The following STPG2 variants were observed in gnomAD, a reference collection of about 807,000 sequenced individuals.
The protein encoded by STPG2 is sperm-tail PG-rich repeat-containing protein 2.
In STPG2, 56 loss-of-function variants were observed where a neutral mutation model predicts 54.2. The observed-to-expected ratio is 1.03, with a 90% CI of 0.83 to 1.29. STPG2 has a LOEUF of 1.29. STPG2 is among the 50% of genes most tolerant of loss of function. The probability of loss-of-function intolerance (pLI) is 0.00; values close to 1 mark genes in which losing one functional copy is unlikely to be tolerated. For synonymous variants in STPG2, 200 were observed against 181.8 expected (o/e 1.10, Z -0.81); for missense variants, 596 against 544.9 (o/e 1.09, Z -0.93).
chr4:97,888,283 C>T (rs1730653104), intron 8 of STPG2, among the ~76,000 whole-genome samples: 1 of 152,144 alleles, frequency 6.6e-6, no homozygotes, highest in African/African-American at 2.4e-5. Context: ...CAGCTTGTAC[C>T]CTCAGCCTGG....
chr4:97,670,374 G>T (rs1268924400), intron 10 of STPG2, among the ~76,000 whole-genome samples: 5 of 152,160 alleles, frequency 3.3e-5, no homozygotes, highest in African/African-American at 9.6e-5. Context: ...TATTAAAATG[G>T]AATCAATAGT....
At chr4:97,611,945 AGAGT>A in intron 10 of STPG2, among the ~76,000 whole-genome samples, 1 of 152,082 alleles carries the variant, frequency 6.6e-6, no homozygotes. Flanking sequence ...ACAGAGAGAA[AGAGT>A]GAATCTCTGA....
chr4:97,989,774 C>A (rs1457331208), intron 5 of STPG2, among the ~76,000 whole-genome samples: 1 of 152,212 alleles, frequency 6.6e-6, no homozygotes, highest in Non-Finnish European at 1.5e-5. Flanking sequence ...AACAGTCAAT[C>A]TGATAACCAA....
chr4:98,109,246 TC>T lies in STPG2; in HGVS notation c.446del (p.Arg149AsnfsTer17), dbSNP rs1739276553. On this transcript the variant is annotated frameshift_variant, in exon 4 of 11. Transcript: ENST00000295268. LOFTEE classifies it high-confidence loss of function. ...KGIHFGNSSGRQELPKKSGPG... is the reference protein window; with the variant it reads ...KGIHFGNSSGXQELPKKSGPG... ...GACCTGACTTTTTAGGTAACTCTTG[TC>T]TTCCTGAAGAGTTGCCAAAATGTAT... 1 of 1,611,620 alleles carries T rather than the reference TC, an allele frequency of 6.2e-7. No individual in the cohort carries two copies. Among genetic ancestry groups the T allele is most frequent in the Admixed American group, 1.7e-5 (1 of 59,882 alleles).
chr4:97,863,945 T>C (rs551214225), intron 8 of STPG2, among the ~76,000 whole-genome samples: 1 of 152,078 alleles, frequency 6.6e-6, no homozygotes, highest in South Asian at 2.1e-4. Context: ...ATGGGATGTA[T>C]CTAAAAATAA....
At chr4:97,681,947 G>A (rs990336102) in intron 10 of STPG2, among the ~76,000 whole-genome samples, 1 of 151,598 alleles carries the variant, frequency 6.6e-6, no homozygotes, top group African/African-American at 2.4e-5. Flanking sequence ...AATCATTGAG[G>A]AAGAAACATT....
intron 8 of STPG2, among the ~76,000 whole-genome samples, chr4:97,931,033 T>A (rs1478776914): frequency 6.6e-6 from 1 of 152,232 alleles, no homozygotes; most frequent in Non-Finnish European, 1.5e-5. Context: ...AGATTGATGT[T>A]ATATCCTTAA....
At chr4:97,739,211 G>A (rs1725130633) in intron 9 of STPG2, among the ~76,000 whole-genome samples, 1 of 152,004 alleles carries the variant, frequency 6.6e-6, no homozygotes, top group Non-Finnish European at 1.5e-5. Context: ...CACATTCAAA[G>A]CAGTGTGTAG....
In STPG2 at chr4:98,143,369, G is replaced by C; in HGVS notation, c.-219C>G. 1 of 531,994 alleles carries C rather than the reference G, an allele frequency of 1.9e-6. No homozygotes were observed. The allele number at this position is 531,994 out of a possible 1,614,324, so 33.0% of individuals were successfully genotyped here. A position where few individuals can be genotyped will look rare whatever the true frequency, so the allele number is the denominator to read the frequency against. On this transcript the variant is annotated 5_prime_UTR_variant, in exon 1 of 11. Transcript: ENST00000295268. ...TTCTAGCTCTGTGGTAAAGTAGAGG[G>C]GTGAGCGACTAGAGATTAGACGTCC...
chr4:97,897,196 A>G (rs1033656350), intron 8 of STPG2, among the ~76,000 whole-genome samples: 9 of 152,084 alleles, frequency 5.9e-5, no homozygotes, highest in Non-Finnish European at 1.3e-4. Flanking sequence ...GCTAAGAATA[A>G]TGGCCTCCAG....
chr4:97,982,012 G>A (rs1252369784), intron 5 of STPG2, among the ~76,000 whole-genome samples: 2 of 151,016 alleles, frequency 1.3e-5, no homozygotes, highest in Non-Finnish European at 2.9e-5. Flanking sequence ...AGTCTCCCAC[G>A]CAGCTGGGAC....
chr4:97,913,558 A>G (rs1359387499), intron 8 of STPG2, among the ~76,000 whole-genome samples: 1 of 152,198 alleles, frequency 6.6e-6, no homozygotes, highest in Non-Finnish European at 1.5e-5. Flanking sequence ...ATGATAGTAT[A>G]GCTTTAAATT....
At chr4:97,599,909 T>A (rs1384100063) in intron 10 of STPG2, among the ~76,000 whole-genome samples, 2 of 151,610 alleles carry the variant, frequency 1.3e-5, no homozygotes, top group Non-Finnish European at 2.9e-5. Context: ...TGCTTAGTCA[T>A]AGGAAGAAGG....
intron 8 of STPG2, among the ~76,000 whole-genome samples, chr4:97,862,581 C>T (rs1163191371): frequency 6.6e-6 from 1 of 152,084 alleles, no homozygotes; most frequent in African/African-American, 2.4e-5. Context: ...GAATTCAGCT[C>T]TGCACCAAGC....
chr4:97,959,979 C>T (rs984199091), intron 7 of STPG2, among the ~76,000 whole-genome samples: 2 of 152,068 alleles, frequency 1.3e-5, no homozygotes, highest in Non-Finnish European at 2.9e-5. Flanking sequence ...TCCAAAGACA[C>T]ATCAAAAAGA....
chr4:98,100,634 C>T (rs1276413012), intron 5 of STPG2, among the ~76,000 whole-genome samples: 1 of 150,792 alleles, frequency 6.6e-6, no homozygotes, highest in East Asian at 1.9e-4. Context: ...ATTTACCAAC[C>T]TTCCCAAGTC....
intron 3 of STPG2, among the ~76,000 whole-genome samples, chr4:98,124,166 G>A (rs1739767536): frequency 6.6e-6 from 1 of 152,130 alleles, no homozygotes; most frequent in Non-Finnish European, 1.5e-5. Flanking sequence ...GGGGCATTTA[G>A]TCCATTTACA....
chr4:97,518,992 A>C (rs923811885), intron 4 of STPG2, among the ~76,000 whole-genome samples: 2 of 152,108 alleles, frequency 1.3e-5, no homozygotes, highest in African/African-American at 4.8e-5. Flanking sequence ...TGAATGACCC[A>C]ACTATTTGTA....
At position 98,143,388 on chromosome 4, in the gene STPG2, G is replaced by GAT; in HGVS notation, c.-239_-238insAT. The GAT allele has an allele frequency of 2.0e-6, 1 of 502,658 alleles. No homozygotes were observed. Among genetic ancestry groups the GAT allele is most frequent in the South Asian group, 2.5e-5 (1 of 40,120 alleles). The allele number at this position is 502,658 out of a possible 1,614,324, so 31.1% of individuals were successfully genotyped here. On this transcript the variant is annotated 5_prime_UTR_variant, in exon 1 of 11. The change abolishes the stop of an existing upstream ORF in the 5' untranslated region. Coordinates refer to ENST00000295268, the MANE Select transcript of STPG2 (RefSeq NM_174952.3). ...TAGAGGGGTGAGCGACTAGAGATTA[G>GAT]ACGTCCCACACAATCATCAGTTTGC...
Sources: gnomAD v4.1 joint callset for allele counts (sites outside exome capture counted in the v4.1 genomes callset) on GRCh38, gnomAD v4.1.1 for gene constraint, MANE v1.5 for transcripts, NCBI Gene and HGNC (gene_info 2026-07-23, HGNC 2026-07-21) for gene names.